Variants in PIK3C2B observed in about 807,000 individuals in gnomAD.
PIK3C2B encodes phosphatidylinositol-4-phosphate 3-kinase catalytic subunit type 2 beta, also known as phosphatidylinositol 4-phosphate 3-kinase C2 domain-containing subunit beta.
A neutral mutation model predicts 184.3 loss-of-function variants in PIK3C2B; 83 were observed. The ratio of observed to expected loss-of-function variants is 0.45; its 90% CI spans 0.38 to 0.54. The LOEUF (loss-of-function observed/expected upper bound fraction) is 0.54. PIK3C2B is among the 20% of genes least tolerant of loss of function. The probability of loss-of-function intolerance (pLI) is 0.00; values close to 1 mark genes in which losing one functional copy is unlikely to be tolerated. For missense variants in PIK3C2B, 1,736 were observed against 2,113.5 expected (o/e 0.82, Z 3.50); for synonymous variants, 779 against 837.6 (o/e 0.93, Z 1.21).
At chr1:204,456,123 G>T in intron 10 of PIK3C2B, 72 bp from the exon 11 acceptor site, 1 of 1,295,684 alleles carries the variant, frequency 7.7e-7, no homozygotes, top group South Asian at 1.4e-5. Context: ...CATGGCATTG[G>T]CTAGAATGGG....
At chr1:204,446,865 G>C (rs1490629203) in intron 15 of PIK3C2B, among the ~76,000 whole-genome samples, 1 of 152,116 alleles carries the variant, frequency 6.6e-6, no homozygotes, top group African/African-American at 2.4e-5. Context: ...GAGCCAGAGA[G>C]GTAAACAGAG....
chr1:204,481,126 C>A lies in PIK3C2B; in HGVS notation c.-84-11240G>T, dbSNP rs1657102204. On this transcript the variant is annotated intron_variant, in intron 1 of 32. Coordinates refer to ENST00000684373, the MANE Select transcript of PIK3C2B (RefSeq NM_001377334.1). Reference sequence around the variant, plus strand: ...CCCGCTACATACACACCACACACCTCCCATGCTTATCCCATACCCCTCACA... The same window carrying A: ...CCCGCTACATACACACCACACACCTACCATGCTTATCCCATACCCCTCACA... Among the ~76,000 whole-genome samples, 4 of 151,628 alleles carry A rather than the reference C, an allele frequency of 2.6e-5. No homozygotes were observed. In the South Asian group the frequency reaches 8.4e-4, roughly 32 times the overall value.
chr1:204,425,489 TA>T, intron 32 of PIK3C2B, 123 bp downstream of exon 32: 2 of 1,077,396 alleles, frequency 1.9e-6, no homozygotes, highest in Non-Finnish European at 1.4e-6. Context: ...AGGTAACACC[TA>T]AATCAGCAAG....
At chr1:204,468,749 G>A (rs1001549373) in intron 2 of PIK3C2B, 121 bp downstream of exon 2, 1 of 876,640 alleles carries the variant, frequency 1.1e-6, no homozygotes, top group Non-Finnish European at 1.7e-6. Flanking sequence ...TCCCAAAGAG[G>A]GTAGGAGAGG....
chr1:204,442,568 C>T lies in PIK3C2B; in HGVS notation c.3114G>A (p.Leu1038=), dbSNP rs894593548. ...QFFALNGSCR[L]PLSPSLLVKG... is the part of the protein sequence containing the mutation. ...TAACCAGCAGACTGGGGCTGAGTGG[C>T]AAGCGGCACGAGCCATTGAGGGCAA... Residue 1038 remains leucine (L), a synonymous_variant, in exon 20 of 33, where the codon TTG becomes TTA. Coordinates refer to ENST00000684373, the MANE Select transcript of PIK3C2B (RefSeq NM_001377334.1). The T allele has an allele frequency of 6.4e-6, 10 of 1,555,510 alleles. No homozygotes were observed. The highest frequency in any genetic ancestry group is 1.2e-5 in the South Asian group (1 of 84,308).
intron 23 of PIK3C2B, chr1:204,435,933 C>T (rs752841017): frequency 3.3e-5 from 5 of 152,184 alleles, no homozygotes; most frequent in Non-Finnish European, 7.4e-5. Flanking sequence ...ACGCGTAACT[C>T]CCAGTCGTGA....
At position 204,467,637 on chromosome 1, in the gene PIK3C2B, C is replaced by T. The variant is rs575378782; in HGVS notation, c.933+1233G>A. Among the ~76,000 whole-genome samples the T allele has an allele frequency of 5.9e-5, 9 of 152,164 alleles. No homozygotes were observed. In the South Asian group the frequency reaches 1.9e-3, roughly 32 times the overall value. On this transcript the variant is annotated intron_variant, in intron 2 of 32. Transcript: ENST00000684373. ...ATCACCTGAGGTCAGGAGTTCAAGA[C>T]CAGCCTGGCCAATGTGGTGAAACCC...
intron 30 of PIK3C2B, among the ~76,000 whole-genome samples, 173 bp from the exon 31 acceptor site, chr1:204,427,927 G>C (rs1674834786): frequency 6.6e-6 from 1 of 152,214 alleles, no homozygotes; most frequent in African/African-American, 2.4e-5. Context: ...TGGGTCTAAG[G>C]ATATAATCGA....
intron 9 of PIK3C2B, 31 bp downstream of exon 9, chr1:204,457,697 T>C (rs755594497): frequency 4.5e-6 from 7 of 1,572,846 alleles, no homozygotes; most frequent in Non-Finnish European, 6.0e-6. Flanking sequence ...CCTCTCTTCC[T>C]TTCCCCTGCT....
Position 204,424,773 on chromosome 1 carries a change from G to A in PIK3C2B, c.*79C>T. On this transcript the variant is annotated 3_prime_UTR_variant, in exon 33 of 33. Coordinates refer to ENST00000684373, the MANE Select transcript of PIK3C2B (RefSeq NM_001377334.1). ...TGCCCAGGGCCCTGGCCCTTCACAAGGAGGAGTCTCACAGGGGAGAGTCCT... is the reference window on the plus strand; with the variant it reads ...TGCCCAGGGCCCTGGCCCTTCACAAAGAGGAGTCTCACAGGGGAGAGTCCT... The A allele has an allele frequency of 7.0e-7, 1 of 1,434,028 alleles. No individual in the cohort carries two copies. The highest frequency in any genetic ancestry group is 1.7e-4 in the Middle Eastern group (1 of 5,720). 88.8% of individuals were successfully genotyped at this position (1,434,028 alleles called of 1,614,324 possible). A position where few individuals can be genotyped will look rare whatever the true frequency, so the allele number is the denominator to read the frequency against.
At chr1:204,456,893 CACACACACACACACCCACA>C (rs1558257138) in intron 10 of PIK3C2B, 125 bp downstream of exon 10, 2 of 557,410 alleles carry the variant, frequency 3.6e-6, no homozygotes, top group African/African-American at 4.8e-5. Context: ...CACACACACA[CACACACACACACACCCACA>C]CACACACACA....
At chr1:204,491,518 C>T (rs1480645354) in intron 1 of PIK3C2B, among the ~76,000 whole-genome samples, 15 of 152,094 alleles carry the variant, frequency 9.9e-5, no homozygotes, top group Admixed American at 9.8e-4. Context: ...CATACTGAGA[C>T]CCCATCTCTA....
intron 1 of PIK3C2B, 33 bp downstream of exon 1, chr1:204,494,323 G>C (rs955576557): frequency 2.6e-5 from 4 of 152,440 alleles, no homozygotes. Context: ...ACAGACGCTG[G>C]GGCCGATGCA....
chr1:204,468,990 T>C lies in PIK3C2B; in HGVS notation c.813A>G (p.Gly271=). The C allele has an allele frequency of 1.2e-6, 2 of 1,614,196 alleles. No individual in the cohort carries two copies. Among genetic ancestry groups the C allele is most frequent in the Non-Finnish European group, 8.5e-7 (1 of 1,180,026 alleles). Reference sequence around the variant, plus strand: ...TAGTCTTGCTCCTGGCCACGGGTTTTCCAGAGGTGTCTTTGCTGAAGTCCA... The same window carrying C: ...TAGTCTTGCTCCTGGCCACGGGTTTCCCAGAGGTGTCTTTGCTGAAGTCCA... ...GPLDFSKDTS[G]KPVARSKTMP... is the part of the protein sequence containing the mutation. Residue 271 remains glycine, a synonymous_variant, in exon 2 of 33, where the codon GGA becomes GGG. Coordinates refer to ENST00000684373, the MANE Select transcript of PIK3C2B (RefSeq NM_001377334.1).
chr1:204,470,350 TAG>T (rs1254863516), intron 1 of PIK3C2B, among the ~76,000 whole-genome samples: 5 of 152,288 alleles, frequency 3.3e-5, no homozygotes, highest in African/African-American at 1.2e-4. Flanking sequence ...GTATTTTTAG[TAG>T]AGACAGGGTT....
rs1572279401 is a variant in PIK3C2B at position 204,429,919 on chromosome 1, A to C, written c.4398+2T>G. 1 of 1,593,908 alleles carries C rather than the reference A, an allele frequency of 6.3e-7. No homozygotes were observed. Among genetic ancestry groups the C allele is most frequent in the Non-Finnish European group, 8.6e-7 (1 of 1,163,724 alleles). ...GCCAGGAGGAGAGGCAAGCCCACCC[A>C]CCTCGGCCACCTCAGGGGGTGCGTG... On this transcript the variant is annotated splice_donor_variant, in intron 29 of 32. Transcript: ENST00000684373. LOFTEE classifies it high-confidence loss of function.
chr1:204,444,000 C>T, intron 18 of PIK3C2B, 68 bp downstream of exon 18: 1 of 1,104,934 alleles, frequency 9.1e-7, no homozygotes, highest in Admixed American at 1.7e-5. Flanking sequence ...CCCTTGCGTG[C>T]CTAAGAGTGA....
chr1:204,460,463 T>A (rs574475028), intron 6 of PIK3C2B, 60 bp from the exon 7 acceptor site: 1 of 1,538,676 alleles, frequency 6.5e-7, no homozygotes, highest in African/African-American at 1.4e-5. Flanking sequence ...TCAGCACTCC[T>A]ACCCCCCTCC....
At position 204,423,039 on chromosome 1, in the gene PIK3C2B, A is replaced by G. The variant is rs1674570368; in HGVS notation, c.*1813T>C. On this transcript the variant is annotated 3_prime_UTR_variant, in exon 33 of 33. Transcript: ENST00000684373. ...ATGTCCTCATTTCACTCTTTTCCCA[A>G]TCATGGGAAATATCCAGCCAATTCT... 6.6e-6 allele frequency: 1 copy of G among 152,222 alleles called. No individual in the cohort carries two copies. The highest frequency in any genetic ancestry group is 1.5e-5 in the Non-Finnish European group (1 of 68,036). The allele number at this position is 152,222 out of a possible 1,614,324, so 9.4% of individuals were successfully genotyped here.
Sources: gnomAD v4.1 joint callset for allele counts (sites outside exome capture counted in the v4.1 genomes callset) on GRCh38, gnomAD v4.1.1 for gene constraint, MANE v1.5 for transcripts, NCBI Gene and HGNC (gene_info 2026-07-23, HGNC 2026-07-21) for gene names.